The following COL4A2 variants were observed in gnomAD, a reference collection of about 807,000 sequenced individuals.
COL4A2 encodes collagen alpha-2(IV) chain.
A neutral mutation model predicts 200.2 loss-of-function variants in COL4A2; 99 were observed. The observed-to-expected ratio is 0.49, with a 90% CI of 0.42 to 0.58. The LOEUF is 0.58. COL4A2 is among the 20% of genes least tolerant of loss of function. The probability of loss-of-function intolerance (pLI) is 0.00; values close to 1 mark genes in which losing one functional copy is unlikely to be tolerated. For missense variants in COL4A2, 1,950 were observed against 2,314.1 expected, an observed-to-expected ratio of 0.84 and a Z score of 3.23; for synonymous variants, 897 against 900.6, an observed-to-expected ratio of 1.00 and a Z score of 0.07.
intron 3 of COL4A2, among the ~76,000 whole-genome samples, chr13:110,327,304 C>CG (rs551032208): frequency 3.9e-3 from 593 of 152,310 alleles, no homozygotes; most frequent in South Asian, 0.017. Flanking sequence ...CTGCCCTTCC[C>CG]GGGGGGTCCT....
chr13:110,473,436 G>C (rs911883795), intron 29 of COL4A2: 1 of 385,876 alleles, frequency 2.6e-6, no homozygotes, highest in Non-Finnish European at 4.6e-6. Context: ...TGTGACAGGG[G>C]CCGTGACAGG....
chr13:110,411,674 A>G (rs74756978), intron 4 of COL4A2, among the ~76,000 whole-genome samples: 4,495 of 152,184 alleles, frequency 0.03, 226 homozygotes, highest in African/African-American at 0.1. Context: ...CCAGGCATAC[A>G]TTGTTTATTT....
intron 4 of COL4A2, among the ~76,000 whole-genome samples, chr13:110,419,539 A>G (rs368432449): frequency 6.6e-6 from 1 of 152,222 alleles, no homozygotes; most frequent in South Asian, 2.1e-4. Flanking sequence ...GTGTGCCCGT[A>G]TCTGATCATC....
rs1473654587 is a variant in COL4A2 at position 110,307,319 on chromosome 13, C to T, written c.-254C>T. On this transcript the variant is annotated 5_prime_UTR_variant, in exon 1 of 48. Coordinates refer to ENST00000360467, the MANE Select transcript of COL4A2 (RefSeq NM_001846.4). The surrounding 1 kb of genome is among the most constrained non-coding windows in gnomAD (Gnocchi z 5.0). ...GCAGTGCGCCGGGACACCAGGGCTC[C>T]GCGCTCCGCACTCAAGAGGCTCCCG... 3.0e-6 allele frequency: 1 copy of T among 331,816 alleles called. No individual in the cohort carries two copies. The highest frequency in any genetic ancestry group is 5.4e-6 in the Non-Finnish European group (1 of 183,838). 20.6% of individuals were successfully genotyped at this position (331,816 alleles called of 1,614,324 possible). A position where few individuals can be genotyped will look rare whatever the true frequency, so the allele number is the denominator to read the frequency against.
intron 4 of COL4A2, among the ~76,000 whole-genome samples, chr13:110,361,255 C>G (rs1413409918): frequency 3.3e-5 from 5 of 152,212 alleles, no homozygotes; most frequent in Non-Finnish European, 7.3e-5. Context: ...CAAATGTGCT[C>G]TTGCAGAAGC....
At chr13:110,423,260 CCT>C (rs1880325052) in intron 4 of COL4A2, among the ~76,000 whole-genome samples, 7 of 152,006 alleles carry the variant, frequency 4.6e-5, no homozygotes, top group African/African-American at 1.5e-4. Context: ...CTTCCCCTCC[CCT>C]CCTTTCTCAT....
At chr13:110,394,637 G>A (rs896595181) in intron 4 of COL4A2, among the ~76,000 whole-genome samples, 2 of 152,198 alleles carry the variant, frequency 1.3e-5, no homozygotes, top group Non-Finnish European at 2.9e-5. Context: ...CCAATATTCA[G>A]TTCCTTGTTC....
intron 3 of COL4A2, among the ~76,000 whole-genome samples, chr13:110,355,335 CACT>C (rs1566489586): frequency 0.018 from 2,181 of 121,966 alleles, 316 homozygotes; most frequent in East Asian, 0.041. Flanking sequence ...GAGAGGGCTG[CACT>C]AGCTCACCTG....
At chr13:110,505,145 T>C (rs1183482862) in intron 45 of COL4A2, among the ~76,000 whole-genome samples, 20 of 150,712 alleles carry the variant, frequency 1.3e-4, no homozygotes, top group Middle Eastern at 3.2e-3. Context: ...GGGCAGGAGA[T>C]CGAGACCATC....
intron 3 of COL4A2, among the ~76,000 whole-genome samples, chr13:110,325,360 C>G (rs557646939): frequency 6.6e-6 from 1 of 152,320 alleles, no homozygotes; most frequent in Non-Finnish European, 1.5e-5. Context: ...CCTGTTTCTC[C>G]TGGAGTGATA....
chr13:110,352,957 T>C (rs759370669), intron 3 of COL4A2, among the ~76,000 whole-genome samples: 5 of 152,162 alleles, frequency 3.3e-5, no homozygotes, highest in Non-Finnish European at 7.4e-5. Context: ...TGCAGGAACC[T>C]CCTGGCCCTG....
At position 110,507,921 on chromosome 13, in the gene COL4A2, C is replaced by A. The variant is rs1883943345; in HGVS notation, c.4595-14C>A. On this transcript the variant is annotated splice_polypyrimidine_tract_variant and intron_variant, in intron 46 of 47. Transcript: ENST00000360467. ...CCACACTGCACTGTGATCTCATGAC[C>A]CCTCCTTCCACAGGGCTGGCGGGCT... The A allele has an allele frequency of 6.2e-7, 1 of 1,611,748 alleles. No homozygotes were observed. Among genetic ancestry groups the A allele is most frequent in the Middle Eastern group, 1.7e-4 (1 of 5,922 alleles).
chr13:110,512,482 A>C lies in COL4A2; in HGVS notation c.*291A>C. On this transcript the variant is annotated 3_prime_UTR_variant, in exon 48 of 48. Coordinates refer to ENST00000360467, the MANE Select transcript of COL4A2 (RefSeq NM_001846.4). ...ACAGCTAACCACTTCGCACACACCC[A>C]TGTAACCACTGCACTTTCCAATGCC... is the stretch of plus-strand genomic sequence containing the variant. 2.2e-6 allele frequency: 1 copy of C among 459,328 alleles called. No homozygotes were observed. The allele number at this position is 459,328 out of a possible 1,614,324, so 28.5% of individuals were successfully genotyped here.
chr13:110,468,322 T>A (rs1198570646), intron 27 of COL4A2: 1 of 464,942 alleles, frequency 2.2e-6, no homozygotes. Flanking sequence ...GCCCCCGGTC[T>A]AATTCCATCC....
intron 29 of COL4A2, among the ~76,000 whole-genome samples, chr13:110,474,482 A>G (rs1171014243): frequency 6.6e-6 from 1 of 152,180 alleles, no homozygotes; most frequent in African/African-American, 2.4e-5. Context: ...TGTTGATACT[A>G]GGGAGCGCCC....
At chr13:110,389,294 A>G (rs1878894031) in intron 4 of COL4A2, among the ~76,000 whole-genome samples, 1 of 152,176 alleles carries the variant, frequency 6.6e-6, no homozygotes, top group Admixed American at 6.5e-5. Flanking sequence ...TCGTGTCTGT[A>G]AAGTACCATC....
chr13:110,512,215 A>C lies in COL4A2; in HGVS notation c.*24A>C. 2 of 1,599,880 alleles carry C rather than the reference A, an allele frequency of 1.3e-6. No individual in the cohort carries two copies. Among genetic ancestry groups the C allele is most frequent in the Non-Finnish European group, 8.5e-7 (1 of 1,174,522 alleles). ...GAGCCGGCGCGTGCCAGGAAGGGCC[A>C]TTTTGGTGCTTATTCTTAACTTATT... is the stretch of plus-strand genomic sequence containing the variant. On this transcript the variant is annotated 3_prime_UTR_variant, in exon 48 of 48. Coordinates refer to ENST00000360467, the MANE Select transcript of COL4A2 (RefSeq NM_001846.4).
rs112411638 is a variant in COL4A2 at position 110,359,562 on chromosome 13, T to C, written c.180+2010T>C. 2.4e-3 allele frequency among the ~76,000 whole-genome samples: 363 copies of C among 152,312 alleles called. 2 individuals are homozygous for C. Among genetic ancestry groups the C allele is most frequent in the African/African-American group, 8.4e-3 (351 of 41,568 alleles). ...TTGGAATCAGAAATTATAACAGCCC[T>C]TGGGTGTCCAAATGAGTTTCCCCAA... On this transcript the variant is annotated intron_variant, in intron 4 of 47. Transcript: ENST00000360467.
At chr13:110,438,803 C>CA (rs1881006010) in intron 15 of COL4A2, 135 bp downstream of exon 15, 2 of 624,428 alleles carry the variant, frequency 3.2e-6, no homozygotes, top group South Asian at 2.0e-5. Context: ...TTACTCCCCA[C>CA]CCCCCCCCAC....
Sources: allele counts gnomAD v4.1 joint callset (sites outside exome capture counted in the v4.1 genomes callset), GRCh38; gene constraint gnomAD v4.1.1; non-coding constraint Gnocchi (gnomAD v3.1); transcripts MANE v1.5; gene names NCBI Gene and HGNC (gene_info 2026-07-23, HGNC 2026-07-21).